ZFHX3: variants seen among roughly 807,000 people sequenced by gnomAD.
ZFHX3 encodes zinc finger homeobox 3, also known as zinc finger homeobox protein 3.
Under a neutral mutation model 279.1 loss-of-function variants are expected in ZFHX3, and 42 were observed. The ratio of observed to expected loss-of-function variants is 0.15; its 90% CI spans 0.12 to 0.19. The LOEUF is 0.19. ZFHX3 is among the 10% of genes least tolerant of loss of function. The pLI, the probability that ZFHX3 is intolerant of heterozygous loss-of-function variation, is 1.00. For missense variants in ZFHX3, 4,981 were observed against 4,754.0 expected, an observed-to-expected ratio of 1.05 and a Z score of -1.40; for synonymous variants, 2,293 against 1,957.8, an observed-to-expected ratio of 1.17 and a Z score of -4.52.
chr16:72,839,107 A>T (rs1221878482), intron 4 of ZFHX3, among the ~76,000 whole-genome samples: 1 of 152,176 alleles, frequency 6.6e-6, no homozygotes, highest in Non-Finnish European at 1.5e-5. Context: ...AAATGTAAAA[A>T]AGGCAAATTC....
intron 2 of ZFHX3, among the ~76,000 whole-genome samples, chr16:73,507,485 CTTTTTTTT>C (rs752001880): frequency 2.5e-5 from 2 of 79,790 alleles, no homozygotes; most frequent in East Asian, 5.8e-4. Context: ...AGCTCTGCCA[CTTTTTTTT>C]TTTTTTTTTT....
intron 2 of ZFHX3, among the ~76,000 whole-genome samples, chr16:73,661,437 A>G (rs2052783311): frequency 6.6e-6 from 1 of 152,164 alleles, no homozygotes; most frequent in African/African-American, 2.4e-5. Context: ...TAAAGGATGT[A>G]TGGCCGGGTG....
At position 73,567,272 on chromosome 16, in the gene ZFHX3, G is replaced by A. The variant is rs114691847; in HGVS notation, c.-1546-111014C>T. Among the ~76,000 whole-genome samples the A allele has an allele frequency of 3.2e-3, 480 of 151,742 alleles. 1 individual carries two copies. The highest frequency in any genetic ancestry group is 9.7e-3 in the African/African-American group (396 of 41,024). On this transcript the variant is annotated intron_variant, in intron 2 of 17. Transcript: ENST00000641206. The stretch of plus-strand genomic sequence containing the variant: ...CTTACTGATTACATCTGCAAAGGCC[G>A]TATATCCAAATAAGATCACATGCTA...
intron 5 of ZFHX3, among the ~76,000 whole-genome samples, chr16:73,222,106 A>G (rs1174162031): frequency 1.3e-5 from 2 of 152,060 alleles, no homozygotes; most frequent in Admixed American, 1.3e-4. Flanking sequence ...TACTCCTATA[A>G]TACTGCTAAC....
At chr16:73,524,269 A>G (rs139793655) in intron 2 of ZFHX3, among the ~76,000 whole-genome samples, 2 of 152,348 alleles carry the variant, frequency 1.3e-5, no homozygotes, top group East Asian at 3.9e-4. Context: ...TCCCTCAGAA[A>G]GTGACAGGAA....
At chr16:73,592,772 C>A (rs2052012933) in intron 2 of ZFHX3, among the ~76,000 whole-genome samples, 2 of 149,290 alleles carry the variant, frequency 1.3e-5, no homozygotes, top group South Asian at 4.3e-4. Flanking sequence ...TAGAAAGAAA[C>A]AATAAAAGAG....
chr16:73,486,834 G>T, intron 2 of ZFHX3: 1 of 455,962 alleles, frequency 2.2e-6, no homozygotes, highest in Non-Finnish European at 4.4e-6. Flanking sequence ...CTGCACTTTA[G>T]GGTCTCAGGC....
intron 1 of ZFHX3, among the ~76,000 whole-genome samples, chr16:73,694,585 A>G (rs952654132): frequency 6.6e-6 from 1 of 152,046 alleles, no homozygotes; most frequent in Admixed American, 6.6e-5. Flanking sequence ...CTCGTGATCC[A>G]TCCGCCTCGG....
At chr16:73,221,784 G>T (rs2012428961) in intron 5 of ZFHX3, among the ~76,000 whole-genome samples, 1 of 151,746 alleles carries the variant, frequency 6.6e-6, no homozygotes, top group South Asian at 2.1e-4. Flanking sequence ...AAACTATAAA[G>T]TACTATTCAA....
intron 3 of ZFHX3, among the ~76,000 whole-genome samples, chr16:73,428,559 T>C (rs16971956): frequency 0.2 from 30,937 of 151,980 alleles, 5,916 homozygotes; most frequent in African/African-American, 0.51. Context: ...GCATGCAGGG[T>C]CGAGGAATAG....
At chr16:73,576,188 G>A (rs1180749266) in intron 2 of ZFHX3, among the ~76,000 whole-genome samples, 1 of 151,986 alleles carries the variant, frequency 6.6e-6, no homozygotes, top group Non-Finnish European at 1.5e-5. Context: ...TTTAAGCAGT[G>A]ACAGCCAGGA....
At chr16:73,308,715 TTGAG>T (rs554967464) in intron 4 of ZFHX3, among the ~76,000 whole-genome samples, 9 of 152,146 alleles carry the variant, frequency 5.9e-5, no homozygotes, top group Non-Finnish European at 1.3e-4. Context: ...CAACAATTTA[TTGAG>T]TGTTTTCAGA....
In ZFHX3 at chr16:72,787,583, C is replaced by T. The variant is rs778895240; in HGVS notation, c.10693G>A (p.Ala3565Thr). 7.4e-6 allele frequency: 12 copies of T among 1,613,836 alleles called. No homozygotes were observed. Among genetic ancestry groups the T allele is most frequent in the Admixed American group, 5.0e-5 (3 of 59,994 alleles). ...HRTITRAARNAKEHPSLLPHS... is the reference protein window; with the variant it reads ...HRTITRAARNTKEHPSLLPHS... ...GGTAATAAACTAGGGTGCTCTTTGG[C>T]GTTTCTTGCTGCTCTCGTGATTGTT... The change falls in exon 10 of 10, where the codon GCC (alanine) becomes ACC (threonine). Residue 3565 changes from alanine (A) to threonine (T), a missense_variant. By Grantham distance (58) the Ala-to-Thr change is moderately conservative (BLOSUM62 0). Around this residue, in one of 7 missense-constraint regions of ZFHX3, gnomAD observed 1,034 missense variants for 786.0 expected, o/e 1.32. Transcript: ENST00000268489.
chr16:72,975,627 G>T (rs1455410949), intron 1 of ZFHX3, among the ~76,000 whole-genome samples: 1 of 152,078 alleles, frequency 6.6e-6, no homozygotes, highest in African/African-American at 2.4e-5. Flanking sequence ...CTTACCACTG[G>T]CCACTTCAAA....
At chr16:72,910,969 A>G (rs756546954) in intron 3 of ZFHX3, among the ~76,000 whole-genome samples, 19 of 152,174 alleles carry the variant, frequency 1.2e-4, no homozygotes, top group Non-Finnish European at 1.0e-4. Flanking sequence ...CGAATGTGAA[A>G]GAGAATGTGG....
Position 73,395,644 on chromosome 16 carries a change from A to C in ZFHX3, c.-1291+60359T>G, listed in dbSNP as rs532691906. 9.2e-5 allele frequency among the ~76,000 whole-genome samples: 14 copies of C among 152,152 alleles called. No individual in the cohort carries two copies. The East Asian group carries it at 2.7e-3, about 29-fold the overall frequency. ...TCTCCTAACTATTAGCAAATGGATT[A>C]TTTTTCTGAAATTATTAAAGCCCCT... On this transcript the variant is annotated intron_variant, in intron 3 of 17. Coordinates refer to the ZFHX3 transcript ENST00000641206.
intron 2 of ZFHX3, among the ~76,000 whole-genome samples, chr16:73,572,690 G>T (rs557034020): frequency 6.6e-6 from 1 of 152,164 alleles, no homozygotes; most frequent in East Asian, 1.9e-4. Flanking sequence ...CACGGGATTC[G>T]ATGCCTTGTG....
At chr16:73,855,356 C>A (rs775087398) in intron 1 of ZFHX3, among the ~76,000 whole-genome samples, 3 of 151,986 alleles carry the variant, frequency 2.0e-5, no homozygotes, top group Non-Finnish European at 2.9e-5. Flanking sequence ...ACTCTCCCAG[C>A]CTCTCAAGCT....
At chr16:73,021,901 A>C (rs1232516606) in intron 1 of ZFHX3, among the ~76,000 whole-genome samples, 1 of 151,596 alleles carries the variant, frequency 6.6e-6, no homozygotes, top group African/African-American at 2.4e-5. Flanking sequence ...AGAAATGCAC[A>C]CAAGGAAGAC....
Sources: allele counts gnomAD v4.1 joint callset (sites outside exome capture counted in the v4.1 genomes callset), GRCh38; gene constraint gnomAD v4.1.1; regional missense constraint gnomAD v4.1.1; transcripts MANE v1.5; gene names NCBI Gene and HGNC (gene_info 2026-07-23, HGNC 2026-07-21).